The following RAB38 variants were observed in gnomAD, a reference collection of about 807,000 sequenced individuals.
RAB38 encodes RAB38, member RAS oncogene family, also known as ras-related protein Rab-38.
A neutral mutation model predicts 18.4 loss-of-function variants in RAB38; 15 were observed. That is an observed-to-expected ratio of 0.82 (90% CI 0.55 to 1.26). The LOEUF is 1.26. Among genes scored for constraint, RAB38 ranks in the 50% most tolerant of loss-of-function variants. RAB38 has a pLI of 0.00. For missense variants in RAB38, 294 were observed against 267.4 expected (o/e 1.10, Z -0.69); for synonymous variants, 101 against 104.4 (o/e 0.97, Z 0.20).
chr11:87,854,129 G>GTT, the RAB38 span, among the ~76,000 whole-genome samples: 983 of 152,130 alleles, frequency 6.5e-3, 10 homozygotes, highest in Non-Finnish European at 9.4e-3. Flanking sequence ...ACCTGCAAAG[G>GTT]TTTTTGTTTT....
chr11:87,881,671 G>C, the RAB38 span, among the ~76,000 whole-genome samples: 1 of 151,726 alleles, frequency 6.6e-6, no homozygotes, highest in Non-Finnish European at 1.5e-5. Context: ...TTATGGGTTT[G>C]TCTAATATGA....
the RAB38 span, among the ~76,000 whole-genome samples, chr11:87,946,366 G>A: frequency 1.3e-5 from 2 of 152,076 alleles, no homozygotes; most frequent in African/African-American, 4.8e-5. Flanking sequence ...AAAACCATTA[G>A]AGGCTCTATG....
chr11:88,145,792 T>C (rs1054017462), intron 2 of RAB38, among the ~76,000 whole-genome samples: 28 of 152,286 alleles, frequency 1.8e-4, no homozygotes, highest in African/African-American at 5.8e-4. Flanking sequence ...ACCATGTAAA[T>C]TTAAATTACA....
the RAB38 span, among the ~76,000 whole-genome samples, chr11:87,837,750 A>G: frequency 6.6e-6 from 1 of 152,230 alleles, no homozygotes; most frequent in Non-Finnish European, 1.5e-5. Flanking sequence ...CAAGTCACAC[A>G]GATAGTGTTC....
the RAB38 span, among the ~76,000 whole-genome samples, chr11:87,898,429 G>A: frequency 6.6e-6 from 1 of 151,644 alleles, no homozygotes; most frequent in Admixed American, 6.6e-5. Flanking sequence ...CACTCAGAGA[G>A]TGTAAATCTC....
the RAB38 span, among the ~76,000 whole-genome samples, chr11:88,083,504 T>C: frequency 6.6e-6 from 1 of 151,910 alleles, no homozygotes; most frequent in African/African-American, 2.4e-5. Context: ...TTCAATTAAA[T>C]GTGGCAAAAC....
chr11:87,956,846 ACCTTTCAGGG>A, the RAB38 span, among the ~76,000 whole-genome samples: 2 of 151,896 alleles, frequency 1.3e-5, no homozygotes, highest in African/African-American at 4.8e-5. Context: ...AAGAATTTGA[ACCTTTCAGGG>A]CCTTTCTGGG....
At chr11:87,825,556 A>C in the RAB38 span, among the ~76,000 whole-genome samples, 2 of 152,160 alleles carry the variant, frequency 1.3e-5, no homozygotes, top group East Asian at 3.9e-4. Flanking sequence ...GACTAGGGCC[A>C]CCCTTATGGC....
At chr11:87,805,200 T>C in the RAB38 span, among the ~76,000 whole-genome samples, 1 of 152,170 alleles carries the variant, frequency 6.6e-6, no homozygotes, top group South Asian at 2.1e-4. Flanking sequence ...TTGGTAACAT[T>C]TTAAAAATCT....
the RAB38 span, among the ~76,000 whole-genome samples, chr11:87,867,294 T>C: frequency 1.8e-3 from 275 of 151,870 alleles, 1 homozygote; most frequent in African/African-American, 6.2e-3. Flanking sequence ...CTTTAAAGAC[T>C]AACATTTTGT....
chr11:87,935,866 A>T, the RAB38 span, among the ~76,000 whole-genome samples: 36 of 152,232 alleles, frequency 2.4e-4, no homozygotes, highest in African/African-American at 8.7e-4. Context: ...ATTGATTTTT[A>T]TTCACTCAGA....
the RAB38 span, among the ~76,000 whole-genome samples, chr11:87,914,921 G>A: frequency 2.0e-5 from 3 of 152,166 alleles, no homozygotes; most frequent in Non-Finnish European, 4.4e-5. Flanking sequence ...TGTTAGGGCT[G>A]CAGGTGCCCA....
At chr11:88,162,465 T>A (rs906848939) in intron 1 of RAB38, among the ~76,000 whole-genome samples, 1 of 140,928 alleles carries the variant, frequency 7.1e-6, no homozygotes, top group African/African-American at 2.6e-5. Flanking sequence ...CCTCTCCCAG[T>A]GGATTTGCAG....
chr11:87,911,367 T>C, the RAB38 span, among the ~76,000 whole-genome samples: 2 of 152,076 alleles, frequency 1.3e-5, no homozygotes, highest in African/African-American at 4.8e-5. Flanking sequence ...TAGAGAGAAA[T>C]AACATCTTAA....
At chr11:87,855,182 G>T in the RAB38 span, among the ~76,000 whole-genome samples, 1 of 152,104 alleles carries the variant, frequency 6.6e-6, no homozygotes. Flanking sequence ...TTATTAGTAA[G>T]CTAAGGAAAT....
At chr11:87,971,610 G>C in the RAB38 span, among the ~76,000 whole-genome samples, 2 of 152,172 alleles carry the variant, frequency 1.3e-5, no homozygotes, top group African/African-American at 4.8e-5. Flanking sequence ...GCCATTGGAC[G>C]CTAACAGCTT....
the RAB38 span, among the ~76,000 whole-genome samples, chr11:87,889,178 T>TGCCCTCA: frequency 6.6e-5 from 10 of 151,660 alleles, no homozygotes; most frequent in Non-Finnish European, 1.3e-4. Context: ...CTGATGTGCC[T>TGCCCTCA]GCCCAGGAAG....
chr11:87,878,251 C>CATCTATCT, the RAB38 span, among the ~76,000 whole-genome samples: 3,798 of 103,392 alleles, frequency 0.037, 178 homozygotes, highest in Middle Eastern at 0.078. Flanking sequence ...ACACACCTAT[C>CATCTATCT]ATCTATCTAT....
chr11:88,036,495 C>T, the RAB38 span, among the ~76,000 whole-genome samples: 9 of 152,222 alleles, frequency 5.9e-5, no homozygotes, highest in South Asian at 6.2e-4. Context: ...TCCTACAGTA[C>T]AAAAACCAGT....
Sources: gnomAD v4.1 joint callset for allele counts (sites outside exome capture counted in the v4.1 genomes callset) on GRCh38, gnomAD v4.1.1 for gene constraint, MANE v1.5 for transcripts, NCBI Gene and HGNC (gene_info 2026-07-23, HGNC 2026-07-21) for gene names.